Variants in TDRD3 observed in about 807,000 individuals in gnomAD.
The protein encoded by TDRD3 is tudor domain-containing protein 3.
TDRD3 carries 45 observed loss-of-function variants against 86.7 expected under a neutral mutation model. The ratio of observed to expected loss-of-function variants is 0.52; its 90% CI spans 0.41 to 0.67. The LOEUF is 0.67. Ranked by LOEUF, TDRD3 falls within the 30% of genes least tolerant of loss-of-function variation. The pLI is 0.00. For missense variants in TDRD3, 814 were observed against 889.0 expected (o/e 0.92, Z 1.07); for synonymous variants, 298 against 301.7 (o/e 0.99, Z 0.13).
At chr13:60,505,261 G>T (rs1486273144) in intron 8 of TDRD3, among the ~76,000 whole-genome samples, 2 of 152,176 alleles carry the variant, frequency 1.3e-5, no homozygotes, top group Non-Finnish European at 1.5e-5. Context: ...GGGGAGAGGG[G>T]TGTCTGCCAT....
intron 12 of TDRD3, among the ~76,000 whole-genome samples, chr13:60,549,183 T>C (rs1459646571): frequency 6.6e-6 from 1 of 152,152 alleles, no homozygotes; most frequent in Non-Finnish European, 1.5e-5. Context: ...TTATAAATGT[T>C]CTGTAATTTT....
chr13:60,402,898 C>A (rs189685526), intron 1 of TDRD3, among the ~76,000 whole-genome samples: 1 of 152,226 alleles, frequency 6.6e-6, no homozygotes, highest in African/African-American at 2.4e-5. Context: ...TTATTGGAGA[C>A]ATCCTTCTAT....
chr13:60,431,769 C>T (rs1954960019), intron 1 of TDRD3, among the ~76,000 whole-genome samples: 1 of 105,314 alleles, frequency 9.5e-6, no homozygotes, highest in South Asian at 3.5e-4. Flanking sequence ...ATCATAAAAA[C>T]TAAAAACTGA....
chr13:60,447,032 C>G (rs1378883473), intron 3 of TDRD3, among the ~76,000 whole-genome samples: 1 of 152,158 alleles, frequency 6.6e-6, no homozygotes, highest in African/African-American at 2.4e-5. Flanking sequence ...AGTAATCTGC[C>G]TATCTCTTGA....
intron 10 of TDRD3, among the ~76,000 whole-genome samples, chr13:60,526,192 T>G (rs1421615436): frequency 1.3e-5 from 2 of 152,164 alleles, no homozygotes; most frequent in Admixed American, 1.3e-4. Flanking sequence ...AAACAGCAGA[T>G]CTGAAAAGCT....
In TDRD3 at chr13:60,417,007, G is replaced by GTC. The variant is rs1237962728; in HGVS notation, c.41+19614_41+19615dup. On this transcript the variant is annotated intron_variant, in intron 1 of 13. Transcript: ENST00000377881. ...TTGTTCTTCTGACTTTAACTGATCA[G>GTC]TCTCTCTCTCTCTTTTTTTTTTTTT... Among the ~76,000 whole-genome samples, 4 of 149,822 alleles carry GTC rather than the reference G, an allele frequency of 2.7e-5. No homozygotes were observed. The East Asian group carries it at 5.9e-4, about 22-fold the overall frequency.
intron 10 of TDRD3, among the ~76,000 whole-genome samples, chr13:60,516,669 C>T (rs1957176980): frequency 6.6e-6 from 1 of 152,148 alleles, no homozygotes; most frequent in African/African-American, 2.4e-5. Context: ...TGTAGGGCTA[C>T]AAGGTCGTTG....
chr13:60,550,508 A>G (rs1365863879), intron 12 of TDRD3, among the ~76,000 whole-genome samples: 1 of 152,112 alleles, frequency 6.6e-6, no homozygotes, highest in Admixed American at 6.5e-5. Context: ...TGAATTTTAT[A>G]AAAATGATGA....
intron 5 of TDRD3, among the ~76,000 whole-genome samples, chr13:60,478,260 C>CT (rs1240192566): frequency 8.2e-6 from 1 of 121,648 alleles, no homozygotes; most frequent in Non-Finnish European, 1.8e-5. Context: ...GATCTTCTCT[C>CT]TTTTTTGTTA....
intron 12 of TDRD3, among the ~76,000 whole-genome samples, chr13:60,544,339 G>A (rs936530375): frequency 6.6e-6 from 1 of 151,562 alleles, no homozygotes; most frequent in South Asian, 2.1e-4. Flanking sequence ...AGCTACTGAG[G>A]AGTCTGAGAT....
At chr13:60,498,943 G>T (rs1956774331) in intron 8 of TDRD3, among the ~76,000 whole-genome samples, 1 of 152,076 alleles carries the variant, frequency 6.6e-6, no homozygotes, top group East Asian at 1.9e-4. Flanking sequence ...GGGTCCAGTG[G>T]GTACGCGGAC....
chr13:60,562,378 C>G (rs1958354791), intron 12 of TDRD3, among the ~76,000 whole-genome samples: 2 of 150,014 alleles, frequency 1.3e-5, no homozygotes, highest in Admixed American at 6.7e-5. Context: ...TTTTTAGCTA[C>G]TCTAATATAG....
chr13:60,522,084 A>C (rs1957300470), intron 10 of TDRD3, among the ~76,000 whole-genome samples: 1 of 151,998 alleles, frequency 6.6e-6, no homozygotes, highest in Admixed American at 6.6e-5. Context: ...ATATAGAAAA[A>C]AATTAAAGGA....
intron 11 of TDRD3, 129 bp from the exon 12 acceptor site, chr13:60,534,979 T>TTCCAAAGG: frequency 1.1e-6 from 1 of 883,454 alleles, no homozygotes; most frequent in South Asian, 3.0e-5. Flanking sequence ...CTCAAAAGGG[T>TTCCAAAGG]TCCAAAGGTA....
At chr13:60,484,610 A>G (rs2137506983) in intron 6 of TDRD3, 2 of 421,040 alleles carry the variant, frequency 4.8e-6, no homozygotes, top group Admixed American at 5.7e-5. Context: ...TGTAAGATAT[A>G]CTCTCACTTA....
intron 12 of TDRD3, among the ~76,000 whole-genome samples, chr13:60,540,519 G>A (rs560162820): frequency 6.6e-6 from 1 of 152,268 alleles, no homozygotes; most frequent in African/African-American, 2.4e-5. Context: ...TATTCCATAT[G>A]CATAAATGTT....
At chr13:60,521,634 G>A (rs1442302321) in intron 10 of TDRD3, among the ~76,000 whole-genome samples, 2 of 152,118 alleles carry the variant, frequency 1.3e-5, no homozygotes, top group Admixed American at 6.5e-5. Context: ...GGTGGCTCAC[G>A]CCTGTAATCC....
chr13:60,567,385 C>G, intron 12 of TDRD3, 140 bp from the exon 13 acceptor site: 1 of 1,003,678 alleles, frequency 1.0e-6, no homozygotes, highest in Non-Finnish European at 1.5e-6. Flanking sequence ...CCCTTGCCTC[C>G]CTCTGTTGTA....
intron 7 of TDRD3, 67 bp downstream of exon 7, chr13:60,486,015 G>C (rs201169975): frequency 2.1e-6 from 3 of 1,437,054 alleles, no homozygotes; most frequent in Admixed American, 4.9e-5. Context: ...ATTTGTGATC[G>C]TTATTGTCTT....
Sources: gnomAD v4.1 joint callset for allele counts (sites outside exome capture counted in the v4.1 genomes callset) on GRCh38, gnomAD v4.1.1 for gene constraint, MANE v1.5 for transcripts, NCBI Gene and HGNC (gene_info 2026-07-23, HGNC 2026-07-21) for gene names.